Variants in NIPSNAP2 observed in about 807,000 individuals in gnomAD.
NIPSNAP2 encodes the protein nipsnap homolog 2, also known as protein NipSnap homolog 2.
In NIPSNAP2, 42 loss-of-function variants were observed where a neutral mutation model predicts 48.4. That is an observed-to-expected ratio of 0.87 (90% CI 0.68 to 1.12). NIPSNAP2 has a LOEUF of 1.12. NIPSNAP2 is among the 50% of genes most tolerant of loss of function. The pLI, the probability that NIPSNAP2 is intolerant of heterozygous loss-of-function variation, is 0.00. For synonymous variants in NIPSNAP2, 158 were observed against 126.6 expected (o/e 1.25, Z -1.67); for missense variants, 314 against 347.3 (o/e 0.90, Z 0.76).
chr7:55,989,040 A>G (rs753255270), intron 7 of NIPSNAP2, among the ~76,000 whole-genome samples: 16 of 152,196 alleles, frequency 1.1e-4, no homozygotes, highest in Non-Finnish European at 2.1e-4. Flanking sequence ...GCAAACATCC[A>G]TGTAAACACT....
chr7:55,978,973 C>A (rs1364358472), intron 3 of NIPSNAP2: 2 of 152,350 alleles, frequency 1.3e-5, no homozygotes, highest in Non-Finnish European at 2.9e-5. Context: ...ACTAAGCTTA[C>A]CAGCTTTTAA....
chr7:55,997,823 A>G (rs1377066479), intron 9 of NIPSNAP2, among the ~76,000 whole-genome samples: 1 of 152,218 alleles, frequency 6.6e-6, no homozygotes, highest in East Asian at 1.9e-4. Context: ...AGAACTTAAT[A>G]CATCAATTAA....
chr7:55,969,130 A>G (rs986644432), intron 1 of NIPSNAP2, among the ~76,000 whole-genome samples: 2 of 152,218 alleles, frequency 1.3e-5, no homozygotes, highest in Non-Finnish European at 2.9e-5. Context: ...TTTAAAATCT[A>G]GATGCAGGGC....
chr7:55,976,405 T>C (rs1205681993), intron 1 of NIPSNAP2, among the ~76,000 whole-genome samples: 1 of 152,258 alleles, frequency 6.6e-6, no homozygotes, highest in East Asian at 1.9e-4. Context: ...AATATTTGTA[T>C]GCATTCAACT....
At chr7:55,974,853 A>AG (rs1175123973) in intron 1 of NIPSNAP2, among the ~76,000 whole-genome samples, 1 of 146,830 alleles carries the variant, frequency 6.8e-6, no homozygotes, top group Non-Finnish European at 1.5e-5. Flanking sequence ...GTCTTAAAAA[A>AG]AAAAAAAAAA....
At chr7:55,975,365 A>G (rs1404260699) in intron 1 of NIPSNAP2, among the ~76,000 whole-genome samples, 1 of 152,138 alleles carries the variant, frequency 6.6e-6, no homozygotes, top group East Asian at 1.9e-4. Flanking sequence ...AAATAAAAAG[A>G]GAACAAAAGT....
chr7:55,998,095 A>G (rs533465174), intron 9 of NIPSNAP2, among the ~76,000 whole-genome samples: 3 of 152,072 alleles, frequency 2.0e-5, no homozygotes, highest in Non-Finnish European at 4.4e-5. Flanking sequence ...TGAGGTGGGC[A>G]GATCACCTGA....
intron 4 of NIPSNAP2, 46 bp from the exon 5 acceptor site, chr7:55,982,164 T>A: frequency 1.7e-6 from 2 of 1,182,638 alleles, no homozygotes; most frequent in Non-Finnish European, 2.5e-6. Flanking sequence ...CAAGTAGTAG[T>A]ATCATGAAAT....
At chr7:55,970,070 C>T (rs555917434) in intron 1 of NIPSNAP2, among the ~76,000 whole-genome samples, 22 of 152,072 alleles carry the variant, frequency 1.4e-4, no homozygotes, top group African/African-American at 5.1e-4. Context: ...AAGTCCTTTC[C>T]CTTCTTCAGT....
intron 1 of NIPSNAP2, among the ~76,000 whole-genome samples, chr7:55,968,134 T>C (rs997908026): frequency 3.3e-5 from 5 of 152,040 alleles, no homozygotes; most frequent in African/African-American, 4.8e-5. Flanking sequence ...AGTAGAAAGA[T>C]CTCTATGACA....
chr7:55,989,068 A>G (rs906053504), intron 7 of NIPSNAP2, among the ~76,000 whole-genome samples: 1 of 152,154 alleles, frequency 6.6e-6, no homozygotes, highest in Non-Finnish European at 1.5e-5. Flanking sequence ...CCATAGCAGC[A>G]TGTTTTATAA....
At chr7:55,974,148 C>G (rs533682233) in intron 1 of NIPSNAP2, among the ~76,000 whole-genome samples, 17 of 151,990 alleles carry the variant, frequency 1.1e-4, no homozygotes, top group African/African-American at 4.1e-4. Flanking sequence ...TTGCTGGAAC[C>G]TGGGAGGCAG....
In NIPSNAP2 at chr7:55,982,226, T is replaced by C. The variant is rs755954356; in HGVS notation, c.390T>C (p.Tyr130=). The C allele has an allele frequency of 6.2e-7, 1 of 1,608,070 alleles. No homozygotes were observed. The highest frequency in any genetic ancestry group is 1.1e-5 in the South Asian group (1 of 90,882). The change falls in exon 5 of 10, where the codon TAT becomes TAC. Residue 130 remains tyrosine (Y), a synonymous_variant. Transcript: ENST00000322090. ...GCATTTCAGTCCACCTCTGGAGGTA[T>C]GAAGGAGGCTATCCAGCCCTCACAG... is the stretch of plus-strand genomic sequence containing the variant. ...EQDQAVHLWR[Y]EGGYPALTEV...
intron 7 of NIPSNAP2, among the ~76,000 whole-genome samples, chr7:55,990,599 T>C (rs1034443384): frequency 6.6e-6 from 1 of 152,150 alleles, no homozygotes; most frequent in Admixed American, 6.6e-5. Context: ...CTCTTACTTT[T>C]CTTTGGCAGC....
intron 1 of NIPSNAP2, among the ~76,000 whole-genome samples, chr7:55,969,658 G>T (rs1786972899): frequency 6.6e-6 from 1 of 152,180 alleles, no homozygotes; most frequent in African/African-American, 2.4e-5. Flanking sequence ...ATCGTCAGTG[G>T]CTGACAGGTG....
Position 55,981,559 on chromosome 7 carries a change from A to C in NIPSNAP2, c.365A>C (p.Asp122Ala). Residue 122 changes from aspartate (D) to alanine (A), a missense_variant, in exon 4 of 10, where the codon GAC becomes GCC. Physicochemically the swap from Asp to Ala is moderately radical, Grantham distance 126 (BLOSUM62 -2). Transcript: ENST00000322090. Reference protein sequence around the residue: ...GTWNTWYGEQDQAVHLWRYEG... With the variant: ...GTWNTWYGEQAQAVHLWRYEG... ...TGGAACACGTGGTATGGCGAGCAGG[A>C]CCAAGCTGGTAGGAAGCGAAGTCTT... 6.2e-7 allele frequency: 1 copy of C among 1,613,018 alleles called. No individual in the cohort carries two copies. The highest frequency in any genetic ancestry group is 2.2e-5 in the East Asian group (1 of 44,860).
At chr7:55,977,124 C>T (rs1281732842) in intron 1 of NIPSNAP2, among the ~76,000 whole-genome samples, 3 of 151,692 alleles carry the variant, frequency 2.0e-5, no homozygotes, top group Non-Finnish European at 2.9e-5. Flanking sequence ...GGCTCGGTAG[C>T]TCCTGCCTGT....
chr7:55,977,823 C>T (rs1392648753), intron 1 of NIPSNAP2, among the ~76,000 whole-genome samples: 9 of 152,178 alleles, frequency 5.9e-5, no homozygotes, highest in African/African-American at 1.9e-4. Context: ...TGCTTTCTGT[C>T]TCTGTGGGTT....
At chr7:55,994,292 A>G (rs1157156990) in intron 7 of NIPSNAP2, among the ~76,000 whole-genome samples, 1 of 152,214 alleles carries the variant, frequency 6.6e-6, no homozygotes, top group Non-Finnish European at 1.5e-5. Context: ...CTTTATTTCA[A>G]GAATCACCAG....
Sources: allele counts gnomAD v4.1 joint callset (sites outside exome capture counted in the v4.1 genomes callset), GRCh38; gene constraint gnomAD v4.1.1; transcripts MANE v1.5; gene names NCBI Gene and HGNC (gene_info 2026-07-23, HGNC 2026-07-21).